The following SLC24A3 variants were observed in gnomAD, a reference collection of about 807,000 sequenced individuals.
SLC24A3 encodes the protein sodium/potassium/calcium exchanger 3.
SLC24A3 carries 28 observed loss-of-function variants against 75.8 expected under a neutral mutation model. The observed-to-expected ratio is 0.37, with a 90% CI of 0.27 to 0.51. The LOEUF (loss-of-function observed/expected upper bound fraction) is 0.51, where lower values mean the gene tolerates loss of function less well. SLC24A3 is among the 20% of genes least tolerant of loss of function. The pLI is 0.94. For missense variants in SLC24A3, 663 were observed against 847.8 expected (o/e 0.78, Z 2.71); for synonymous variants, 372 against 334.1 (o/e 1.11, Z -1.24).
chr20:19,318,004 A>G lies in SLC24A3; in HGVS notation c.271+36917A>G, dbSNP rs367562557. On this transcript the variant is annotated intron_variant, in intron 2 of 16. Transcript: ENST00000328041. Reference sequence around the variant, plus strand: ...GCTTTCTTTGGAGGCCAGAGTCCACACTGCTTTGTGCATGGCAGGCTGGAA... The same window carrying G: ...GCTTTCTTTGGAGGCCAGAGTCCACGCTGCTTTGTGCATGGCAGGCTGGAA... Among the ~76,000 whole-genome samples the G allele has an allele frequency of 3.9e-5, 6 of 152,180 alleles. No homozygotes were observed. In the South Asian group the frequency reaches 1.2e-3, roughly 32 times the overall value.
chr20:19,682,904 T>C (rs958274265), intron 10 of SLC24A3, among the ~76,000 whole-genome samples: 1 of 152,194 alleles, frequency 6.6e-6, no homozygotes, highest in Non-Finnish European at 1.5e-5. Flanking sequence ...ATATAATATT[T>C]TTTCTAAGAG....
chr20:19,474,015 C>T (rs1987919254), intron 2 of SLC24A3, among the ~76,000 whole-genome samples: 1 of 152,240 alleles, frequency 6.6e-6, no homozygotes, highest in South Asian at 2.1e-4. Context: ...GTGAAAGTCA[C>T]TCAACTTAAT....
At chr20:19,289,781 G>C (rs1983896581) in intron 2 of SLC24A3, among the ~76,000 whole-genome samples, 1 of 152,174 alleles carries the variant, frequency 6.6e-6, no homozygotes, top group Admixed American at 6.5e-5. Context: ...AGTGTGCCCA[G>C]GGGACTTGGG....
chr20:19,373,892 G>C (rs1042738073), intron 2 of SLC24A3, among the ~76,000 whole-genome samples: 1 of 152,134 alleles, frequency 6.6e-6, no homozygotes, highest in Non-Finnish European at 1.5e-5. Flanking sequence ...AGGAGTGTGT[G>C]TCTATCTACG....
At chr20:19,667,714 G>A (rs769278180) in intron 8 of SLC24A3, among the ~76,000 whole-genome samples, 2 of 152,196 alleles carry the variant, frequency 1.3e-5, no homozygotes, top group Non-Finnish European at 2.9e-5. Context: ...CATGGCAAGT[G>A]AAGAAAGCAG....
Position 19,259,398 on chromosome 20 carries a change from G to C in SLC24A3, c.143-21561G>C, listed in dbSNP as rs150693759. 7.0e-3 allele frequency among the ~76,000 whole-genome samples: 1,066 copies of C among 152,278 alleles called. 13 individuals are homozygous for C. The highest frequency in any genetic ancestry group is 0.025 in the African/African-American group (1,023 of 41,552). ...ACAGTAGATGTTTGTCATATGCTTG[G>C]CCATGTGTTGGCACCATGTCACTCT... is the stretch of plus-strand genomic sequence containing the variant. On this transcript the variant is annotated intron_variant, in intron 1 of 16. Transcript: ENST00000328041.
chr20:19,436,218 G>T (rs937538066), intron 2 of SLC24A3, among the ~76,000 whole-genome samples: 4 of 152,154 alleles, frequency 2.6e-5, no homozygotes, highest in African/African-American at 9.7e-5. Flanking sequence ...GTTGCACTGA[G>T]CCACTAATGG....
intron 6 of SLC24A3, among the ~76,000 whole-genome samples, chr20:19,603,982 G>A (rs1600299254): frequency 6.6e-6 from 1 of 152,188 alleles, no homozygotes; most frequent in Admixed American, 6.5e-5. Flanking sequence ...CATCATGAAA[G>A]GCAGCAGAGA....
chr20:19,630,619 C>T (rs914049887), intron 6 of SLC24A3, among the ~76,000 whole-genome samples: 1 of 152,188 alleles, frequency 6.6e-6, no homozygotes, highest in African/African-American at 2.4e-5. Flanking sequence ...AAAAGGTATC[C>T]TTTTCTACAA....
chr20:19,594,181 G>A (rs537446833), intron 6 of SLC24A3, among the ~76,000 whole-genome samples: 1 of 152,222 alleles, frequency 6.6e-6, no homozygotes, highest in Non-Finnish European at 1.5e-5. Context: ...TGTGCAGCAG[G>A]CAGGGAAGGC....
chr20:19,390,533 C>A, intron 2 of SLC24A3, among the ~76,000 whole-genome samples: 1 of 152,132 alleles, frequency 6.6e-6, no homozygotes, highest in Non-Finnish European at 1.5e-5. Flanking sequence ...AATGGCCTGG[C>A]ACTGGGGCAG....
chr20:19,235,159 T>C (rs924136201), intron 1 of SLC24A3, among the ~76,000 whole-genome samples: 2 of 152,220 alleles, frequency 1.3e-5, no homozygotes, highest in African/African-American at 4.8e-5. Flanking sequence ...ATGCCCTGCA[T>C]GGGATGTCTG....
At chr20:19,622,827 G>C (rs965146930) in intron 6 of SLC24A3, among the ~76,000 whole-genome samples, 6 of 152,216 alleles carry the variant, frequency 3.9e-5, no homozygotes, top group Admixed American at 6.5e-5. Flanking sequence ...GCATCTGCTT[G>C]TGGTGAGGGC....
rs771572605 is a variant in SLC24A3, at chr20:19,685,081, T to G, written c.1063-19T>G. The G allele has an allele frequency of 6.3e-7, 1 of 1,586,898 alleles. No homozygotes were observed. The highest frequency in any genetic ancestry group is 8.6e-7 in the Non-Finnish European group (1 of 1,163,674). ...GCAATCCCTCTGACCGTGGTAAGAG[T>G]GCGCCTTTCTCTTTCCAGAGACAAA... On this transcript the variant is annotated intron_variant, in intron 11 of 16. Transcript: ENST00000328041.
At chr20:19,552,399 T>C (rs1348618929) in intron 3 of SLC24A3, among the ~76,000 whole-genome samples, 2 of 152,238 alleles carry the variant, frequency 1.3e-5, no homozygotes, top group African/African-American at 4.8e-5. Context: ...GCAAATGCAT[T>C]CTGCTGACTC....
At chr20:19,678,682 C>T (rs1275747390) in intron 9 of SLC24A3, among the ~76,000 whole-genome samples, 4 of 102,016 alleles carry the variant, frequency 3.9e-5, no homozygotes, top group Admixed American at 8.8e-5. Context: ...GGCTGCCGGG[C>T]GGAGACGCTC....
chr20:19,292,711 C>T (rs900720256), intron 2 of SLC24A3, among the ~76,000 whole-genome samples: 2 of 152,220 alleles, frequency 1.3e-5, no homozygotes, highest in Non-Finnish European at 2.9e-5. Context: ...TTGATCTGCA[C>T]TTGACTGACC....
intron 1 of SLC24A3, among the ~76,000 whole-genome samples, chr20:19,266,748 T>G (rs1479974890): frequency 6.6e-6 from 1 of 152,198 alleles, no homozygotes; most frequent in Non-Finnish European, 1.5e-5. Context: ...ATACAAGTGT[T>G]CGGAGTATAT....
chr20:19,219,606 G>C (rs1477199817), intron 1 of SLC24A3, among the ~76,000 whole-genome samples: 1 of 152,084 alleles, frequency 6.6e-6, no homozygotes, highest in Admixed American at 6.5e-5. Context: ...ATAATAAAGG[G>C]AATAAGATTG....
Sources: gnomAD v4.1 joint callset for allele counts (sites outside exome capture counted in the v4.1 genomes callset) on GRCh38, gnomAD v4.1.1 for gene constraint, MANE v1.5 for transcripts, NCBI Gene and HGNC (gene_info 2026-07-23, HGNC 2026-07-21) for gene names.